PARG: variants seen among roughly 807,000 people sequenced by gnomAD.
The protein encoded by PARG is poly(ADP-ribose) glycohydrolase, also known as mitochondrial poly(ADP-ribose) glycohydrolase.
A neutral mutation model predicts 113.0 loss-of-function variants in PARG; 35 were observed. The observed-to-expected ratio is 0.31, with a 90% CI of 0.24 to 0.41. PARG has a LOEUF of 0.41. Ranked by LOEUF, PARG falls within the 10% of genes least tolerant of loss-of-function variation. The pLI is 1.00. For missense variants in PARG, 797 were observed against 1,169.4 expected, an observed-to-expected ratio of 0.68 and a Z score of 4.64; for synonymous variants, 330 against 409.9, an observed-to-expected ratio of 0.81 and a Z score of 2.36.
intron 1 of PARG, among the ~76,000 whole-genome samples, chr10:49,935,709 G>A (rs1169109384): frequency 6.6e-6 from 1 of 152,084 alleles, no homozygotes; most frequent in Admixed American, 6.5e-5. Context: ...AAAAGGTAAG[G>A]CTTGACTTAT....
intron 12 of PARG, among the ~76,000 whole-genome samples, chr10:49,859,586 G>A (rs1489897278): frequency 1.3e-5 from 2 of 152,206 alleles, no homozygotes; most frequent in Non-Finnish European, 2.9e-5. Context: ...AGAAACAGAC[G>A]AGGTTTAAGA....
intron 11 of PARG, among the ~76,000 whole-genome samples, 185 bp from the exon 12 acceptor site, chr10:49,861,848 CAT>C (rs1159620699): frequency 6.7e-6 from 1 of 150,060 alleles, no homozygotes; most frequent in African/African-American, 2.5e-5. Context: ...TGTAAATATA[CAT>C]ATTTAAATTA....
chr10:49,885,512 G>T (rs1847432924), intron 7 of PARG, among the ~76,000 whole-genome samples: 1 of 151,922 alleles, frequency 6.6e-6, no homozygotes, highest in Non-Finnish European at 1.5e-5. Flanking sequence ...TGGCATTAAG[G>T]CAATTCACCT....
rs1263398045 is a variant in PARG, at chr10:49,935,087, C to T, written c.273G>A (p.Ala91=). The change falls in exon 2 of 18, where the codon GCG becomes GCA. Residue 91 remains alanine (A), a synonymous_variant. Transcript: ENST00000616448. ...GAATGTTTCTATACCTTTCTGATTC[C>T]GCTGTCTTGATTCCTTTAGTGTCCA... ...SWMDTKGIKT[A]ESESLDSKEN... 3.4e-5 allele frequency: 26 copies of T among 765,080 alleles called. No homozygotes were observed. The highest frequency in any genetic ancestry group is 1.9e-4 in the East Asian group (7 of 37,542). 47.4% of individuals were successfully genotyped at this position (765,080 alleles called of 1,614,324 possible).
intron 16 of PARG, among the ~76,000 whole-genome samples, chr10:49,827,770 T>TA (rs1844428447): frequency 6.9e-6 from 1 of 145,748 alleles, no homozygotes. Flanking sequence ...TATGGAATCT[T>TA]ACAGCAAAAG....
chr10:49,838,235 A>T (rs566970601), intron 15 of PARG, among the ~76,000 whole-genome samples: 1 of 152,186 alleles, frequency 6.6e-6, no homozygotes, highest in South Asian at 2.1e-4. Context: ...GTTCAAGATG[A>T]GCCTGACCAA....
intron 4 of PARG, among the ~76,000 whole-genome samples, chr10:49,930,199 TTC>T (rs1838416596): frequency 1.3e-5 from 2 of 151,778 alleles, no homozygotes; most frequent in Admixed American, 6.6e-5. Flanking sequence ...GATTGTGCAG[TTC>T]TTTTTTAACA....
intron 7 of PARG, chr10:49,910,021 A>T (rs1837075581): frequency 6.6e-6 from 1 of 152,218 alleles, no homozygotes; most frequent in Non-Finnish European, 1.5e-5. Flanking sequence ...TTTAAATGAC[A>T]GAAACAGTTC....
intron 6 of PARG, among the ~76,000 whole-genome samples, chr10:49,920,463 A>AAAAAAAAAAAAAAAAT (rs1431747248): frequency 1.0e-4 from 5 of 47,984 alleles, no homozygotes; most frequent in South Asian, 7.3e-4. Context: ...AAAAAAAAAA[A>AAAAAAAAAAAAAAAAT]ATATATATAT....
intron 7 of PARG, among the ~76,000 whole-genome samples, chr10:49,892,092 A>G (rs1182351605): frequency 1.3e-5 from 2 of 152,166 alleles, no homozygotes; most frequent in African/African-American, 4.8e-5. Context: ...TAATAGTAAC[A>G]TAACCAATAT....
intron 13 of PARG, among the ~76,000 whole-genome samples, chr10:49,848,185 C>T (rs1328353379): frequency 7.0e-6 from 1 of 143,494 alleles, no homozygotes; most frequent in Admixed American, 7.0e-5. Flanking sequence ...CCCATCTCTA[C>T]TAAAAATACA....
At chr10:49,936,228 G>T (rs1393339500) in intron 1 of PARG, among the ~76,000 whole-genome samples, 2 of 152,114 alleles carry the variant, frequency 1.3e-5, no homozygotes, top group African/African-American at 4.8e-5. Context: ...GTAAAAGTGA[G>T]GAGAGTCATT....
intron 16 of PARG, among the ~76,000 whole-genome samples, chr10:49,831,910 C>T (rs1844687297): frequency 6.6e-6 from 1 of 152,052 alleles, no homozygotes; most frequent in African/African-American, 2.4e-5. Flanking sequence ...CTGGGGATTC[C>T]CCTGAAACTT....
At chr10:49,878,973 TTA>T (rs1847087567) in intron 9 of PARG, among the ~76,000 whole-genome samples, 2 of 152,110 alleles carry the variant, frequency 1.3e-5, no homozygotes, top group African/African-American at 4.8e-5. Context: ...AGAAAAAACA[TTA>T]GTTTGCCAAG....
intron 1 of PARG, among the ~76,000 whole-genome samples, chr10:49,939,709 C>T (rs1200337508): frequency 2.6e-5 from 4 of 152,222 alleles, no homozygotes; most frequent in Non-Finnish European, 2.9e-5. Flanking sequence ...TCATCTTATG[C>T]TCCAGTCTTA....
intron 16 of PARG, 64 bp downstream of exon 16, chr10:49,832,739 G>A (rs927523548): frequency 1.2e-6 from 1 of 826,702 alleles, no homozygotes; most frequent in Admixed American, 2.4e-5. Flanking sequence ...TGAGAAATCT[G>A]GTTTGAAGGA....
At chr10:49,925,728 A>G (rs1554850376) in intron 4 of PARG, among the ~76,000 whole-genome samples, 1 of 152,258 alleles carries the variant, frequency 6.6e-6, no homozygotes. Context: ...ACTGAGACAG[A>G]GCAGGGAGCC....
At chr10:49,877,143 T>A (rs1846981321) in intron 9 of PARG, among the ~76,000 whole-genome samples, 1 of 150,914 alleles carries the variant, frequency 6.6e-6, no homozygotes, top group Non-Finnish European at 1.5e-5. Flanking sequence ...AAGAGCAGCT[T>A]ATATTCAAGT....
chr10:49,888,742 A>T (rs1554840912), intron 7 of PARG, among the ~76,000 whole-genome samples: 1 of 152,148 alleles, frequency 6.6e-6, no homozygotes, highest in Non-Finnish European at 1.5e-5. Context: ...CAGCTTCTTG[A>T]ATCTGTAGAT....
Sources: allele counts gnomAD v4.1 joint callset (sites outside exome capture counted in the v4.1 genomes callset), GRCh38; gene constraint gnomAD v4.1.1; transcripts MANE v1.5; gene names NCBI Gene and HGNC (gene_info 2026-07-23, HGNC 2026-07-21).